The following SP2 variants were observed in gnomAD, a reference collection of about 807,000 sequenced individuals.
SP2 encodes transcription factor Sp2.
In SP2, 9 loss-of-function variants were observed where a neutral mutation model predicts 50.1. That is an observed-to-expected ratio of 0.18 (90% confidence interval 0.11 to 0.31). The LOEUF is 0.31. SP2 is among the 10% of genes least tolerant of loss of function. The pLI is 1.00. For missense variants in SP2, 581 were observed against 806.5 expected (o/e 0.72, Z 3.39); for synonymous variants, 313 against 326.6 (o/e 0.96, Z 0.45).
chr17:47,897,728 A>G (rs1315181407), intron 1 of SP2: 9 of 352,724 alleles, frequency 2.6e-5, no homozygotes, highest in African/African-American at 8.9e-5. Context: ...AGTAATTTCA[A>G]TTACTAACAC....
rs1273815539 is a variant in SP2, at chr17:47,927,711, C to T, written c.1742-13C>T. The T allele has an allele frequency of 2.6e-6, 4 of 1,554,674 alleles. No homozygotes were observed. The highest frequency in any genetic ancestry group is 2.3e-5 in the East Asian group (1 of 42,612). ...CACAGGGTCTGTGGGTGATGGGCAT[C>T]TCCTCTTCCCAGGGGACAAACGCTT... On this transcript the variant is annotated splice_polypyrimidine_tract_variant and intron_variant, in intron 6 of 6. Transcript: ENST00000376741.
chr17:47,912,441 CCTT>C (rs1763642489), intron 1 of SP2, among the ~76,000 whole-genome samples: 2 of 148,176 alleles, frequency 1.3e-5, no homozygotes, highest in South Asian at 4.2e-4. Flanking sequence ...TTCCACTTCA[CCTT>C]TTTTTTTTTT....
chr17:47,920,529 G>A (rs994554900), intron 3 of SP2, among the ~76,000 whole-genome samples: 6 of 151,098 alleles, frequency 4.0e-5, no homozygotes, highest in Admixed American at 3.3e-4. Flanking sequence ...TCTGTGATCC[G>A]CCCGCCTCAG....
At chr17:47,907,988 T>A (rs1319335705) in intron 1 of SP2, among the ~76,000 whole-genome samples, 1 of 152,178 alleles carries the variant, frequency 6.6e-6, no homozygotes, top group African/African-American at 2.4e-5. Flanking sequence ...GGGAGATCGG[T>A]CTCTCTTTTG....
chr17:47,929,867 A>AG (rs1355070531), downstream of SP2: 1 of 152,486 alleles, frequency 6.6e-6, no homozygotes, highest in African/African-American at 2.4e-5. Context: ...AGGAGTGGCG[A>AG]GGCTCGTTTT....
chr17:47,897,923 G>T (rs1351840832), intron 1 of SP2: 1 of 965,608 alleles, frequency 1.0e-6, no homozygotes, highest in Non-Finnish European at 1.2e-6. Context: ...TGGCTGGGAC[G>T]ATTGGTAAGT....
In SP2 at chr17:47,916,905, C is replaced by A. The variant is rs775393015; in HGVS notation, c.834C>A (p.Ile278=). The A allele has an allele frequency of 6.2e-7, 1 of 1,614,222 alleles. No homozygotes were observed. The highest frequency in any genetic ancestry group is 8.5e-7 in the Non-Finnish European group (1 of 1,180,028). The change falls in exon 3 of 7, where the codon ATC becomes ATA. Residue 278 remains isoleucine (I), a synonymous_variant. Transcript: ENST00000376741. The surrounding 1 kb of genome is among the most constrained non-coding windows in gnomAD (Gnocchi z 4.7). ...VLIETTADNI[I]QAGNNLLIVQ... is the part of the protein sequence containing the mutation. ...TCGAGACCACCGCGGACAACATCAT[C>A]CAGGCAGGAAATAACCTGCTCATTG...
At chr17:47,915,871 G>A (rs1036521807) in intron 2 of SP2, among the ~76,000 whole-genome samples, 9 of 152,160 alleles carry the variant, frequency 5.9e-5, no homozygotes, top group Admixed American at 2.6e-4. Context: ...CAAGGCCAGC[G>A]GAGAGTAGGA....
intron 1 of SP2, among the ~76,000 whole-genome samples, chr17:47,911,348 C>T (rs888580332): frequency 1.2e-4 from 18 of 147,520 alleles, no homozygotes; most frequent in Non-Finnish European, 2.1e-4. Flanking sequence ...TTGAGACCAG[C>T]CTGGTTAACA....
chr17:47,902,535 G>C (rs374662501), intron 1 of SP2, among the ~76,000 whole-genome samples: 1 of 152,160 alleles, frequency 6.6e-6, no homozygotes, highest in Non-Finnish European at 1.5e-5. Flanking sequence ...TGACAGAGGA[G>C]GTGGTAGAAG....
chr17:47,916,876 C>T lies in SP2; in HGVS notation c.805C>T (p.Leu269=). 1.2e-6 allele frequency: 2 copies of T among 1,614,188 alleles called. No homozygotes were observed. The highest frequency in any genetic ancestry group is 1.7e-6 in the Non-Finnish European group (2 of 1,180,028). The change falls in exon 3 of 7, where the codon CTG becomes TTG. Residue 269 remains leucine (L), a synonymous_variant. Coordinates refer to ENST00000376741, the MANE Select transcript of SP2 (RefSeq NM_003110.6). The surrounding 1 kb of genome is among the most constrained non-coding windows in gnomAD (Gnocchi z 4.7). Reference sequence around the variant, plus strand: ...TGTGGCTGAGCAGGTGGAGACGGTGCTGATCGAGACCACCGCGGACAACAT... The same window carrying T: ...TGTGGCTGAGCAGGTGGAGACGGTGTTGATCGAGACCACCGCGGACAACAT... The part of the protein sequence containing the change: ...VAVAEQVETV[L]IETTADNIIQ...
chr17:47,922,024 A>G (rs1346746184), intron 3 of SP2, among the ~76,000 whole-genome samples: 1 of 152,218 alleles, frequency 6.6e-6, no homozygotes, highest in East Asian at 1.9e-4. Flanking sequence ...ATTGAAACCC[A>G]TGAGTTTCCA....
chr17:47,904,278 A>AG (rs1469053802), intron 1 of SP2, among the ~76,000 whole-genome samples: 1 of 151,710 alleles, frequency 6.6e-6, no homozygotes, highest in Non-Finnish European at 1.5e-5. Context: ...AAAAAAAAAA[A>AG]AAGAAGTAGA....
intron 1 of SP2, among the ~76,000 whole-genome samples, chr17:47,896,895 C>G (rs1429310525): frequency 6.6e-6 from 1 of 152,246 alleles, no homozygotes; most frequent in Non-Finnish European, 1.5e-5. Context: ...CACGAGAGCA[C>G]TCCCTGGGCA....
chr17:47,900,649 C>T (rs908078729), intron 1 of SP2, among the ~76,000 whole-genome samples: 1 of 152,200 alleles, frequency 6.6e-6, no homozygotes, highest in Non-Finnish European at 1.5e-5. Context: ...TGGTGGCACA[C>T]GCCTGTAGTC....
At chr17:47,898,139 C>A (rs1326997242) in intron 1 of SP2, 1 of 152,250 alleles carries the variant, frequency 6.6e-6, no homozygotes, top group Non-Finnish European at 1.5e-5. Context: ...AGAACTGGCT[C>A]CGGGAGAAAG....
At chr17:47,930,857 C>A (rs1340764249), downstream of SP2, among the ~76,000 whole-genome samples, 1 of 152,164 alleles carries the variant, frequency 6.6e-6, no homozygotes, top group Non-Finnish European at 1.5e-5. Flanking sequence ...TCCTCTCTGT[C>A]CAGCTGACAC....
At chr17:47,910,094 C>T (rs2034923854) in intron 1 of SP2, among the ~76,000 whole-genome samples, 1 of 152,176 alleles carries the variant, frequency 6.6e-6, no homozygotes, top group Non-Finnish European at 1.5e-5. Flanking sequence ...CTGCCTCAAC[C>T]TCCCAAAGTG....
chr17:47,920,208 C>T (rs900798213), intron 3 of SP2, among the ~76,000 whole-genome samples: 14 of 151,286 alleles, frequency 9.3e-5, no homozygotes, highest in African/African-American at 2.4e-4. Flanking sequence ...CTCCGCCTCC[C>T]GGGTTCAAGC....
Sources: gnomAD v4.1 joint callset for allele counts (sites outside exome capture counted in the v4.1 genomes callset) on GRCh38, gnomAD v4.1.1 for gene constraint, Gnocchi (gnomAD v3.1) non-coding constraint, MANE v1.5 for transcripts, NCBI Gene and HGNC (gene_info 2026-07-23, HGNC 2026-07-21) for gene names.